Variants in PGM2 observed in about 807,000 individuals in gnomAD.
PGM2 encodes the protein phosphopentomutase.
Under a neutral mutation model 74.6 loss-of-function variants are expected in PGM2, and 57 were observed. That is an observed-to-expected ratio of 0.76 (90% confidence interval 0.62 to 0.95). The LOEUF (loss-of-function observed/expected upper bound fraction) is 0.95. Among genes scored for constraint, PGM2 ranks in the 40% least tolerant of loss-of-function variants. PGM2 has a pLI of 0.00. For missense variants in PGM2, 706 were observed against 741.9 expected (o/e 0.95, Z 0.56); for synonymous variants, 273 against 260.7 (o/e 1.05, Z -0.46).
intron 13 of PGM2, among the ~76,000 whole-genome samples, chr4:37,856,254 G>A (rs1237446962): frequency 2.6e-5 from 4 of 151,844 alleles, no homozygotes; most frequent in African/African-American, 9.7e-5. Context: ...GCGTGGTGGC[G>A]GGCGCCTGTA....
chr4:37,826,859 G>A, intron 1 of PGM2, 46 bp downstream of exon 1: 1 of 1,248,496 alleles, frequency 8.0e-7, no homozygotes, highest in South Asian at 1.3e-5. Flanking sequence ...GGGGCCGGGT[G>A]CTCTGCCCTC....
intron 12 of PGM2, among the ~76,000 whole-genome samples, chr4:37,851,727 C>T (rs1216393113): frequency 6.6e-6 from 1 of 152,110 alleles, no homozygotes; most frequent in Admixed American, 6.5e-5. Flanking sequence ...ACCAGTTTTA[C>T]AATTTGTTGA....
intron 3 of PGM2, among the ~76,000 whole-genome samples, chr4:37,836,702 A>G (rs181766409): frequency 6.6e-6 from 1 of 152,306 alleles, no homozygotes; most frequent in East Asian, 1.9e-4. Context: ...TAAATCGCTC[A>G]TTTATTTGTG....
At chr4:37,833,603 A>G (rs967699149) in intron 2 of PGM2, among the ~76,000 whole-genome samples, 15 of 152,344 alleles carry the variant, frequency 9.8e-5, no homozygotes, top group Admixed American at 2.6e-4. Flanking sequence ...TTCCTTTAGC[A>G]AAAGTGAAAT....
intron 12 of PGM2, 38 bp downstream of exon 12, chr4:37,850,411 T>G: frequency 8.8e-7 from 1 of 1,136,038 alleles, no homozygotes. Flanking sequence ...ACCTCTTTTC[T>G]ATTTACCTTT....
Position 37,861,750 on chromosome 4 carries a change from G to GT in PGM2, c.*141dup. The GT allele has an allele frequency of 2.0e-6, 1 of 505,298 alleles. No individual in the cohort carries two copies. Among genetic ancestry groups the GT allele is most frequent in the Non-Finnish European group, 3.6e-6 (1 of 276,978 alleles). 31.3% of individuals were successfully genotyped at this position (505,298 alleles called of 1,614,324 possible). On this transcript the variant is annotated 3_prime_UTR_variant, in exon 14 of 14. Transcript: ENST00000381967. The stretch of plus-strand genomic sequence containing the variant: ...TTTACAAAGACCTACATTCCTCATT[G>GT]TTTCATGTTTGACCTTTAAGGTGAA...
chr4:37,856,230 A>G (rs1305194097), intron 13 of PGM2, among the ~76,000 whole-genome samples: 1 of 151,854 alleles, frequency 6.6e-6, no homozygotes, highest in African/African-American at 2.4e-5. Context: ...CTAAAAACAC[A>G]AAAAATTAGC....
intron 6 of PGM2, among the ~76,000 whole-genome samples, chr4:37,841,558 C>A (rs1725731025): frequency 2.0e-5 from 3 of 152,152 alleles, no homozygotes; most frequent in African/African-American, 7.2e-5. Context: ...TGAGTGTTGC[C>A]CACATGAAAA....
Position 37,852,764 on chromosome 4 carries a change from GT to G in PGM2, c.1602+2398del, listed in dbSNP as rs549090988. On this transcript the variant is annotated intron_variant, in intron 12 of 13. Coordinates refer to ENST00000381967, the MANE Select transcript of PGM2 (RefSeq NM_018290.4). ...CCTTTCCATGCAACTTGTTTTGTTT[GT>G]TTTTTTCCTCTGGGAAGATTTTAGG... 2.6e-5 allele frequency among the ~76,000 whole-genome samples: 4 copies of G among 152,118 alleles called. No individual in the cohort carries two copies. In the East Asian group the frequency reaches 5.8e-4, roughly 22 times the overall value.
chr4:37,840,779 G>C (rs917984786), intron 6 of PGM2, among the ~76,000 whole-genome samples: 2 of 152,114 alleles, frequency 1.3e-5, no homozygotes, highest in African/African-American at 4.8e-5. Flanking sequence ...GGTCCACACA[G>C]ACTCTTTCTC....
intron 6 of PGM2, among the ~76,000 whole-genome samples, chr4:37,842,910 G>A (rs777885101): frequency 3.9e-5 from 6 of 152,176 alleles, no homozygotes; most frequent in African/African-American, 9.6e-5. Context: ...CAATCCACCC[G>A]CCTCGGCCTC....
At chr4:37,856,455 T>C (rs896467276) in intron 13 of PGM2, among the ~76,000 whole-genome samples, 1 of 152,120 alleles carries the variant, frequency 6.6e-6, no homozygotes, top group Non-Finnish European at 1.5e-5. Context: ...GAGTACCCAT[T>C]GTAGACAGGT....
At chr4:37,840,353 C>A in intron 6 of PGM2, 94 bp downstream of exon 6, 2 of 721,998 alleles carry the variant, frequency 2.8e-6, no homozygotes, top group South Asian at 3.4e-5. Context: ...TTAATTTGCT[C>A]ATGTACTACA....
chr4:37,840,063 T>A lies in PGM2; in HGVS notation c.526-3T>A. On this transcript the variant is annotated splice_polypyrimidine_tract_variant and splice_region_variant and intron_variant, in intron 5 of 13. Coordinates refer to ENST00000381967, the MANE Select transcript of PGM2 (RefSeq NM_018290.4). ...CTTCTGAATGTGTTCCTGGGTCCTC[T>A]AGGTCTATTGGGATAATGGAGCTCA... is the stretch of plus-strand genomic sequence containing the variant. 6.2e-7 allele frequency: 1 copy of A among 1,611,434 alleles called. No homozygotes were observed. Among genetic ancestry groups the A allele is most frequent in the Non-Finnish European group, 8.5e-7 (1 of 1,177,828 alleles).
intron 2 of PGM2, among the ~76,000 whole-genome samples, chr4:37,831,104 G>A (rs1725429991): frequency 6.8e-6 from 1 of 146,000 alleles, no homozygotes; most frequent in Admixed American, 7.1e-5. Context: ...TGAGACAGAA[G>A]GATTGTTTGA....
In PGM2 at chr4:37,861,225, A is replaced by G. The variant is rs145170348; in HGVS notation, c.1737-285A>G. Reference sequence around the variant, plus strand: ...ATCTTTTAGGGATGCTAGGCCAAAAATTGTGTTTCTTACAAAGTCTTATGA... The same window carrying G: ...ATCTTTTAGGGATGCTAGGCCAAAAGTTGTGTTTCTTACAAAGTCTTATGA... On this transcript the variant is annotated intron_variant, in intron 13 of 13. Transcript: ENST00000381967. Among the ~76,000 whole-genome samples, 710 of 152,300 alleles carry G rather than the reference A, an allele frequency of 4.7e-3. 7 individuals are homozygous for G. Among genetic ancestry groups the G allele is most frequent in the African/African-American group, 0.017 (686 of 41,574 alleles).
At chr4:37,829,894 T>G (rs1406213259) in intron 1 of PGM2, 70 bp from the exon 2 acceptor site, 6 of 767,300 alleles carry the variant, frequency 7.8e-6, no homozygotes, top group Non-Finnish European at 1.0e-5. Flanking sequence ...TTAGAATGAT[T>G]GTGAATTTTT....
At chr4:37,832,641 C>A (rs182388472) in intron 2 of PGM2, among the ~76,000 whole-genome samples, 6 of 152,250 alleles carry the variant, frequency 3.9e-5, no homozygotes, top group Admixed American at 1.3e-4. Context: ...ATTTTGGGTT[C>A]TGTGTTCATA....
chr4:37,847,076 C>T lies in PGM2; in HGVS notation c.1153C>T (p.Arg385Trp), dbSNP rs147924614. The change falls in exon 9 of 14, where the codon CGG becomes TGG. Residue 385 changes from arginine to tryptophan, a missense_variant. By Grantham distance (101) the Arg-to-Trp change is moderately radical. Around this residue, in one of 3 missense-constraint regions of PGM2, gnomAD observed 359 missense variants for 371.1 expected, o/e 0.97. Coordinates refer to ENST00000381967, the MANE Select transcript of PGM2 (RefSeq NM_018290.4). ...LSSTVSSKIL[R>W]AIALKEGFHF... ...CAGCACCGTCTCCTCCAAAATCTTG[C>T]GGGCCATTGCCTTAAAGGAAGGTTT... The T allele has an allele frequency of 3.5e-5, 56 of 1,613,520 alleles. No individual in the cohort carries two copies. The highest frequency in any genetic ancestry group is 2.4e-4 in the African/African-American group (18 of 74,982).
Sources: allele counts gnomAD v4.1 joint callset (sites outside exome capture counted in the v4.1 genomes callset), GRCh38; gene constraint gnomAD v4.1.1; regional missense constraint gnomAD v4.1.1; transcripts MANE v1.5; gene names NCBI Gene and HGNC (gene_info 2026-07-23, HGNC 2026-07-21).